NT5C2: variants seen among roughly 807,000 people sequenced by gnomAD.
NT5C2 encodes the protein 5'-nucleotidase, cytosolic II, also known as cytosolic purine 5'-nucleotidase.
In NT5C2, 58 loss-of-function variants were observed where a neutral mutation model predicts 76.1. The ratio of observed to expected loss-of-function variants is 0.76; its 90% CI spans 0.62 to 0.95. The LOEUF (loss-of-function observed/expected upper bound fraction) is 0.95. Among genes scored for constraint, NT5C2 ranks in the 40% least tolerant of loss-of-function variants. NT5C2 has a pLI of 0.00. For missense variants in NT5C2, 478 were observed against 690.3 expected (o/e 0.69, Z 3.45); for synonymous variants, 229 against 237.4 (o/e 0.96, Z 0.32).
intron 3 of NT5C2, among the ~76,000 whole-genome samples, chr10:103,158,957 T>C (rs1377142406): frequency 2.6e-5 from 4 of 152,068 alleles, no homozygotes; most frequent in African/African-American, 9.7e-5. Flanking sequence ...AGTACAAGAC[T>C]TGTACACTAA....
intron 14 of NT5C2, chr10:103,093,713 C>T (rs555620713): frequency 3.0e-5 from 14 of 463,644 alleles, no homozygotes; most frequent in South Asian, 3.0e-4. Context: ...CCAAGTGATT[C>T]GAAGCACTGA....
chr10:103,130,095 G>A (rs1214530094), intron 4 of NT5C2, among the ~76,000 whole-genome samples: 31 of 151,912 alleles, frequency 2.0e-4, no homozygotes, highest in African/African-American at 6.5e-4. Flanking sequence ...TGACAATGGC[G>A]GCTTTGTGGA....
intron 1 of NT5C2, among the ~76,000 whole-genome samples, chr10:103,185,682 A>C (rs2091933061): frequency 6.6e-6 from 1 of 150,680 alleles, no homozygotes; most frequent in Non-Finnish European, 1.5e-5. Context: ...AAAAAAAAGC[A>C]GGTAAAAAAC....
chr10:103,097,144 T>G (rs2068405842), intron 11 of NT5C2, 147 bp downstream of exon 11: 5 of 540,816 alleles, frequency 9.2e-6, no homozygotes, highest in South Asian at 6.3e-5. Context: ...ACTGTTATCC[T>G]GTATATTTTT....
chr10:103,143,517 A>G (rs2080912927), intron 3 of NT5C2, among the ~76,000 whole-genome samples: 1 of 150,418 alleles, frequency 6.6e-6, no homozygotes, highest in African/African-American at 2.5e-5. Context: ...TGCAGCCTCA[A>G]CCTCCCAGGC....
intron 4 of NT5C2, among the ~76,000 whole-genome samples, chr10:103,127,846 G>A (rs371617828): frequency 8.4e-4 from 128 of 151,896 alleles, no homozygotes; most frequent in African/African-American, 2.7e-3. Flanking sequence ...GTGAGCCACC[G>A]CGCCCGGCCT....
At chr10:103,129,957 GC>G (rs2077760000) in intron 4 of NT5C2, among the ~76,000 whole-genome samples, 2 of 147,068 alleles carry the variant, frequency 1.4e-5, no homozygotes, top group Non-Finnish European at 3.0e-5. Context: ...CGCCCGGCCA[GC>G]CGCCCTGTCC....
intron 3 of NT5C2, among the ~76,000 whole-genome samples, chr10:103,172,247 ATT>A (rs34644789): frequency 5.0e-5 from 7 of 141,098 alleles, no homozygotes; most frequent in Admixed American, 1.4e-4. Context: ...TTAACTTTAA[ATT>A]TTTTTTTTTT....
chr10:103,092,548 C>A (rs1214060257), intron 15 of NT5C2, among the ~76,000 whole-genome samples: 1 of 152,108 alleles, frequency 6.6e-6, no homozygotes, highest in African/African-American at 2.4e-5. Context: ...TCACCTTCAC[C>A]ACACTGCAGG....
Position 103,093,758 on chromosome 10 carries a change from G to A in NT5C2, c.988+214C>T, listed in dbSNP as rs532988276. ...TCCAATAGGATTTAAAAAAAAAACTGATCATTTTAGTGAAAATCAGATTCA... is the reference window on the plus strand; with the variant it reads ...TCCAATAGGATTTAAAAAAAAAACTAATCATTTTAGTGAAAATCAGATTCA... On this transcript the variant is annotated intron_variant, in intron 14 of 18. Coordinates refer to ENST00000404739, the MANE Select transcript of NT5C2 (RefSeq NM_001351169.2). The A allele has an allele frequency of 9.9e-6, 5 of 504,066 alleles. No homozygotes were observed. The East Asian group carries it at 1.5e-4, about 15-fold the overall frequency. 31.2% of individuals were successfully genotyped at this position (504,066 alleles called of 1,614,324 possible).
At chr10:103,110,425 C>T (rs1405921807) in intron 4 of NT5C2, among the ~76,000 whole-genome samples, 1 of 152,174 alleles carries the variant, frequency 6.6e-6, no homozygotes, top group Non-Finnish European at 1.5e-5. Context: ...CACTGCACTC[C>T]AGTCTGGGCA....
intron 3 of NT5C2, among the ~76,000 whole-genome samples, chr10:103,161,340 G>A (rs1187222791): frequency 2.6e-5 from 4 of 151,976 alleles, no homozygotes; most frequent in Non-Finnish European, 5.9e-5. Flanking sequence ...ACCATGCCTG[G>A]CTAATTTATG....
At chr10:103,175,097 A>G in intron 2 of NT5C2, 115 bp from the exon 3 acceptor site, 1 of 597,170 alleles carries the variant, frequency 1.7e-6, no homozygotes, top group Non-Finnish European at 3.0e-6. Context: ...ATAATTACCT[A>G]TTAAAACACA....
At chr10:103,189,212 T>C (rs1360858189) in intron 1 of NT5C2, among the ~76,000 whole-genome samples, 1 of 152,176 alleles carries the variant, frequency 6.6e-6, no homozygotes, top group East Asian at 1.9e-4. Flanking sequence ...TGTTTTATTT[T>C]AGGTTCATCT....
chr10:103,095,876 T>C, intron 12 of NT5C2, 63 bp downstream of exon 12: 1 of 1,436,728 alleles, frequency 7.0e-7, no homozygotes, highest in East Asian at 2.3e-5. Flanking sequence ...CCCTTAATAT[T>C]CCAGAATGAT....
In NT5C2 at chr10:103,171,948, G is replaced by A. The variant is rs1385535489; in HGVS notation, c.101+2910C>T. Reference sequence around the variant, plus strand: ...GTTAAGGCCGGGAGCAGTGGCTCACGTCTGTAATCCCAGCACTATGGGAGG... The same window carrying A: ...GTTAAGGCCGGGAGCAGTGGCTCACATCTGTAATCCCAGCACTATGGGAGG... On this transcript the variant is annotated intron_variant, in intron 3 of 18. Transcript: ENST00000404739. Among the ~76,000 whole-genome samples the A allele has an allele frequency of 3.3e-5, 5 of 151,988 alleles. No homozygotes were observed. The East Asian group carries it at 9.7e-4, about 30-fold the overall frequency.
At chr10:103,180,366 C>T (rs2090841197) in intron 2 of NT5C2, among the ~76,000 whole-genome samples, 1 of 152,190 alleles carries the variant, frequency 6.6e-6, no homozygotes. Flanking sequence ...AAACATATAT[C>T]TATCATATGT....
chr10:103,135,203 G>T (rs1024073096), intron 4 of NT5C2, among the ~76,000 whole-genome samples: 1 of 152,194 alleles, frequency 6.6e-6, no homozygotes, highest in African/African-American at 2.4e-5. Flanking sequence ...AGGGCCAGGG[G>T]CAGAATGATA....
intron 4 of NT5C2, among the ~76,000 whole-genome samples, chr10:103,108,566 G>A (rs905009742): frequency 1.3e-5 from 2 of 152,192 alleles, no homozygotes; most frequent in African/African-American, 2.4e-5. Context: ...AAGGAACTGA[G>A]TGGCCTTTAA....
Sources: gnomAD v4.1 joint callset for allele counts (sites outside exome capture counted in the v4.1 genomes callset) on GRCh38, gnomAD v4.1.1 for gene constraint, MANE v1.5 for transcripts, NCBI Gene and HGNC (gene_info 2026-07-23, HGNC 2026-07-21) for gene names.